The following KASH5 variants were observed in gnomAD, a reference collection of about 807,000 sequenced individuals.
KASH5 encodes the protein protein KASH5.
A neutral mutation model predicts 84.2 loss-of-function variants in KASH5; 72 were observed. The observed-to-expected ratio is 0.85, with a 90% confidence interval of 0.71 to 1.04. The LOEUF is 1.04. Ranked by LOEUF, KASH5 falls within the 50% of genes least tolerant of loss-of-function variation. The probability of loss-of-function intolerance (pLI) is 0.00; values close to 1 mark genes in which losing one functional copy is unlikely to be tolerated. For missense variants in KASH5, 650 were observed against 701.0 expected (o/e 0.93, Z 0.82); for synonymous variants, 260 against 279.1 (o/e 0.93, Z 0.68).
Position 49,417,788 on chromosome 19 carries a change from C to T in KASH5, c.*278C>T, listed in dbSNP as rs555136766. ...CAGCTGTGGGCACACAGCTAAGTCTCGGTTGCCTTGGGGTCAGGGCCTCAG... is the reference window on the plus strand; with the variant it reads ...CAGCTGTGGGCACACAGCTAAGTCTTGGTTGCCTTGGGGTCAGGGCCTCAG... On this transcript the variant is annotated 3_prime_UTR_variant, in exon 20 of 20. Coordinates refer to ENST00000447857, the MANE Select transcript of KASH5 (RefSeq NM_144688.5). The surrounding 1 kb of genome is among the most constrained non-coding windows in gnomAD (Gnocchi z 5.2). 157 of 369,858 alleles carry T rather than the reference C, an allele frequency of 4.2e-4. 1 individual carries two copies. The highest frequency in any genetic ancestry group is 3.0e-3 in the African/African-American group (146 of 48,104). 22.9% of individuals were successfully genotyped at this position (369,858 alleles called of 1,614,324 possible).
chr19:49,394,054 C>T (rs1420368956), intron 2 of KASH5, among the ~76,000 whole-genome samples: 1 of 152,146 alleles, frequency 6.6e-6, no homozygotes, highest in Non-Finnish European at 1.5e-5. Context: ...TCGATCTGGG[C>T]TGCCCATGCA....
intron 9 of KASH5, among the ~76,000 whole-genome samples, chr19:49,404,699 A>G (rs1248423237): frequency 1.3e-5 from 2 of 152,156 alleles, no homozygotes; most frequent in African/African-American, 2.4e-5. Flanking sequence ...GTTTGAGTCC[A>G]TTTACCATGT....
At chr19:49,401,616 C>T (rs1359315114) in intron 9 of KASH5, among the ~76,000 whole-genome samples, 1 of 152,202 alleles carries the variant, frequency 6.6e-6, no homozygotes, top group Admixed American at 6.5e-5. Context: ...GTTCTCCATC[C>T]ATACCCTCCA....
chr19:49,416,560 A>T lies in KASH5; in HGVS notation c.1375-455A>T, dbSNP rs1362480905. Among the ~76,000 whole-genome samples, 1 of 152,202 alleles carries T rather than the reference A, an allele frequency of 6.6e-6. No individual in the cohort carries two copies. Among genetic ancestry groups the T allele is most frequent in the African/African-American group, 2.4e-5 (1 of 41,456 alleles). ...CATAGGCAGGAAGACAGGATTCTTCATGAGGCCCAGCACAGGGGTGGGCAC... is the reference window on the plus strand; with the variant it reads ...CATAGGCAGGAAGACAGGATTCTTCTTGAGGCCCAGCACAGGGGTGGGCAC... On this transcript the variant is annotated intron_variant, in intron 17 of 19. Transcript: ENST00000447857. The surrounding 1 kb of genome is among the most constrained non-coding windows in gnomAD (Gnocchi z 5.4).
At chr19:49,404,214 G>C (rs567062060) in intron 9 of KASH5, among the ~76,000 whole-genome samples, 2 of 152,324 alleles carry the variant, frequency 1.3e-5, no homozygotes, top group Non-Finnish European at 2.9e-5. Context: ...GGGAGGGAGA[G>C]GCTGGCCTTG....
At position 49,399,141 on chromosome 19, in the gene KASH5, C is replaced by G; in HGVS notation, c.746C>G (p.Ala249Gly). The G allele has an allele frequency of 6.5e-7, 1 of 1,549,040 alleles. No individual in the cohort carries two copies. The highest frequency in any genetic ancestry group is 8.7e-7 in the Non-Finnish European group (1 of 1,146,008). The change falls in exon 8 of 20, where the codon GCG becomes GGG. Residue 249 changes from alanine to glycine, a missense_variant and splice_region_variant. Coordinates refer to ENST00000447857, the MANE Select transcript of KASH5 (RefSeq NM_144688.5). The surrounding 1 kb of genome is among the most constrained non-coding windows in gnomAD (Gnocchi z 4.4). ...NRSLLAQARQ[A>G]EKEQQHLVAE... Reference sequence around the variant, plus strand: ...AGCCTTCTGGCCCAAGCCCGGCAGGCGGTGGGTCTGGCCCAGGGGAAGGAA... The same window carrying G: ...AGCCTTCTGGCCCAAGCCCGGCAGGGGGTGGGTCTGGCCCAGGGGAAGGAA...
rs1279644816 is a variant in KASH5 at position 49,395,120 on chromosome 19, G to A, written c.163G>A (p.Ala55Thr). The change falls in exon 4 of 20, where the codon GCC becomes ACC. Residue 55 changes from alanine (A) to threonine (T), a missense_variant. Coordinates refer to ENST00000447857, the MANE Select transcript of KASH5 (RefSeq NM_144688.5). This position sits in a 1 kb window ranked among gnomAD's most constrained non-coding sequence, Gnocchi z 4.4. ...CTCTGTCACAGGCACTGTGGCTGTGGCCCAGGTGCTGGCCTACCTGGAGGC... is the reference window on the plus strand; with the variant it reads ...CTCTGTCACAGGCACTGTGGCTGTGACCCAGGTGCTGGCCTACCTGGAGGC... ...DPQRTGTVAV[A>T]QVLAYLEAVT... 2.5e-6 allele frequency: 4 copies of A among 1,607,916 alleles called. No homozygotes were observed. The highest frequency in any genetic ancestry group is 2.2e-5 in the South Asian group (2 of 90,728).
chr19:49,407,783 T>C, intron 12 of KASH5, 112 bp downstream of exon 12: 1 of 1,021,482 alleles, frequency 9.8e-7, no homozygotes, highest in Non-Finnish European at 1.5e-6. Context: ...CACATCTTGC[T>C]TCTTCCATCC....
chr19:49,414,805 C>T lies in KASH5; in HGVS notation c.1329-146C>T, dbSNP rs1974846983. Reference sequence around the variant, plus strand: ...CTGCCTGGCCTCCCCCAGGCCCGTCCGTGCTGCCTGGCCTCCCCCAGGCCC... The same window carrying T: ...CTGCCTGGCCTCCCCCAGGCCCGTCTGTGCTGCCTGGCCTCCCCCAGGCCC... On this transcript the variant is annotated intron_variant, in intron 16 of 19. Coordinates refer to ENST00000447857, the MANE Select transcript of KASH5 (RefSeq NM_144688.5). This position sits in a 1 kb window ranked among gnomAD's most constrained non-coding sequence, Gnocchi z 4.5. The T allele has an allele frequency of 1.5e-5, 10 of 673,266 alleles. No individual in the cohort carries two copies. Among genetic ancestry groups the T allele is most frequent in the South Asian group, 4.7e-5 (3 of 63,836 alleles). 41.7% of individuals were successfully genotyped at this position (673,266 alleles called of 1,614,324 possible).
intron 1 of KASH5, 138 bp from the exon 2 acceptor site, chr19:49,390,651 G>C: frequency 2.6e-6 from 1 of 387,480 alleles, no homozygotes; most frequent in Non-Finnish European, 4.6e-6. Context: ...AAACAGGTCA[G>C]AGCGGAGCTG....
chr19:49,394,381 C>T (rs1974104621), intron 2 of KASH5, 95 bp from the exon 3 acceptor site: 1 of 918,246 alleles, frequency 1.1e-6, no homozygotes, highest in Non-Finnish European at 1.7e-6. Context: ...TGAATTCCCT[C>T]CCCGCTACAG....
Position 49,397,692 on chromosome 19 carries a change from G to A in KASH5, c.442G>A (p.Gly148Arg), listed in dbSNP as rs754302808. 35 of 1,613,758 alleles carry A rather than the reference G, an allele frequency of 2.2e-5. No individual in the cohort carries two copies. The highest frequency in any genetic ancestry group is 8.9e-5 in the East Asian group (4 of 44,866). Reference sequence around the variant, plus strand: ...GGAGCCAGCCAACCTGGAGAGCTTCGGAGGCGAAGACCCCAGACCCGAGCT... The same window carrying A: ...GGAGCCAGCCAACCTGGAGAGCTTCAGAGGCGAAGACCCCAGACCCGAGCT... ...AEEPANLESF[G>R]GEDPRPELQA... The change falls in exon 6 of 20, where the codon GGA (glycine) becomes AGA (arginine). Residue 148 changes from glycine to arginine, a missense_variant. Coordinates refer to ENST00000447857, the MANE Select transcript of KASH5 (RefSeq NM_144688.5).
At chr19:49,397,765 C>A (rs767877856) in intron 6 of KASH5, 48 bp downstream of exon 6, 4 of 1,591,118 alleles carry the variant, frequency 2.5e-6, no homozygotes, top group Non-Finnish European at 3.4e-6. Flanking sequence ...ACACCCTGTC[C>A]CCTCCAGCCT....
At chr19:49,408,766 C>T (rs1974614003) in intron 12 of KASH5, among the ~76,000 whole-genome samples, 1 of 152,218 alleles carries the variant, frequency 6.6e-6, no homozygotes, top group African/African-American at 2.4e-5. Flanking sequence ...TGTGCTTTAG[C>T]TTCTGGATTC....
chr19:49,396,165 G>A (rs1038315170), intron 5 of KASH5, among the ~76,000 whole-genome samples: 4 of 151,384 alleles, frequency 2.6e-5, no homozygotes, highest in East Asian at 1.9e-4. Flanking sequence ...GCCCTTCCTC[G>A]AATGTGCCCC....
chr19:49,394,241 C>A (rs955898739), intron 2 of KASH5, among the ~76,000 whole-genome samples: 2 of 152,116 alleles, frequency 1.3e-5, no homozygotes, highest in Non-Finnish European at 2.9e-5. Context: ...GCCAATTGGA[C>A]ACAAAAAGAC....
intron 2 of KASH5, 43 bp downstream of exon 2, chr19:49,390,969 G>A: frequency 6.3e-7 from 1 of 1,597,426 alleles, no homozygotes; most frequent in South Asian, 1.1e-5. Context: ...GGGTGAGGAG[G>A]GAGCCATGGG....
At position 49,414,720 on chromosome 19, in the gene KASH5, TGCTGCCTGGCCTCCCCC is replaced by T. The variant is rs1488963068; in HGVS notation, c.1329-230_1329-214del. On this transcript the variant is annotated intron_variant, in intron 16 of 19. Coordinates refer to ENST00000447857, the MANE Select transcript of KASH5 (RefSeq NM_144688.5). This position sits in a 1 kb window ranked among gnomAD's most constrained non-coding sequence, Gnocchi z 4.5. ...GCCTGGCCTCCCCCAGGCCCGTCCG[TGCTGCCTGGCCTCCCCC>T]AGGCCCGTCCGTGCTGCCTGGCCTC... Among the ~76,000 whole-genome samples the T allele has an allele frequency of 7.1e-6, 1 of 140,384 alleles. No homozygotes were observed. The highest frequency in any genetic ancestry group is 2.2e-4 in the East Asian group (1 of 4,504). 92.1% of individuals were successfully genotyped at this position (140,384 alleles called of 152,430 possible).
Position 49,417,612 on chromosome 19 carries a change from C to T in KASH5, c.*102C>T. The T allele has an allele frequency of 1.4e-6, 2 of 1,381,258 alleles. No individual in the cohort carries two copies. The highest frequency in any genetic ancestry group is 1.9e-6 in the Non-Finnish European group (2 of 1,051,664). 85.6% of individuals were successfully genotyped at this position (1,381,258 alleles called of 1,614,324 possible). A position where few individuals can be genotyped will look rare whatever the true frequency, so the allele number is the denominator to read the frequency against. On this transcript the variant is annotated 3_prime_UTR_variant, in exon 20 of 20. Transcript: ENST00000447857. The surrounding 1 kb of genome is among the most constrained non-coding windows in gnomAD (Gnocchi z 5.2). ...TTAGTCCACTGTTGCGCAGGCTTACCCTAGATAGAGTACAGGGGATCCACA... is the reference window on the plus strand; with the variant it reads ...TTAGTCCACTGTTGCGCAGGCTTACTCTAGATAGAGTACAGGGGATCCACA...
Sources: gnomAD v4.1 joint callset for allele counts (sites outside exome capture counted in the v4.1 genomes callset) on GRCh38, gnomAD v4.1.1 for gene constraint, Gnocchi (gnomAD v3.1) non-coding constraint, MANE v1.5 for transcripts, NCBI Gene and HGNC (gene_info 2026-07-23, HGNC 2026-07-21) for gene names.